Variants in DCUN1D5 observed in about 807,000 individuals in gnomAD.
The protein encoded by DCUN1D5 is DCN1-like protein 5.
Under a neutral mutation model 38.3 loss-of-function variants are expected in DCUN1D5, and 10 were observed. The observed-to-expected ratio is 0.26, with a 90% CI of 0.16 to 0.44. DCUN1D5 has a LOEUF of 0.44. Ranked by LOEUF, DCUN1D5 falls within the 20% of genes least tolerant of loss-of-function variation. The probability of loss-of-function intolerance (pLI) is 1.00; values close to 1 mark genes in which losing one functional copy is unlikely to be tolerated. For synonymous variants in DCUN1D5, 93 were observed against 90.9 expected (o/e 1.02, Z -0.13); for missense variants, 148 against 275.3 (o/e 0.54, Z 3.27).
intron 2 of DCUN1D5, among the ~76,000 whole-genome samples, chr11:103,084,624 A>G (rs1451676582): frequency 6.6e-6 from 1 of 152,222 alleles, no homozygotes; most frequent in Non-Finnish European, 1.5e-5. Context: ...TACATATACA[A>G]TAAAGGTGTT....
intron 4 of DCUN1D5, among the ~76,000 whole-genome samples, chr11:103,072,337 A>ACTAGAT (rs59688664): frequency 3.5e-4 from 51 of 145,774 alleles, no homozygotes; most frequent in African/African-American, 7.3e-4. Context: ...AGGATCTAGA[A>ACTAGAT]CTAGATCTAG....
chr11:103,083,385 G>A lies in DCUN1D5; in HGVS notation c.179-59C>T, dbSNP rs530863350. On this transcript the variant is annotated intron_variant, in intron 2 of 7. Transcript: ENST00000260247. This position sits in a 1 kb window ranked among gnomAD's most constrained non-coding sequence, Gnocchi z 4.4. The stretch of plus-strand genomic sequence containing the variant: ...ATAATATCAACATAAAACATAAATC[G>A]TCATGCTAAAGGTACCCATGAACAC... The A allele has an allele frequency of 4.8e-5, 47 of 984,100 alleles. No homozygotes were observed. Among genetic ancestry groups the A allele is most frequent in the African/African-American group, 4.7e-4 (29 of 61,862 alleles). 61.0% of individuals were successfully genotyped at this position (984,100 alleles called of 1,614,324 possible).
rs1397788197 is a variant in DCUN1D5, at chr11:103,053,622, CA to C, written c.*8736del. On this transcript the variant is annotated 3_prime_UTR_variant, in exon 8 of 8. Coordinates refer to ENST00000260247, the MANE Select transcript of DCUN1D5 (RefSeq NM_032299.4). This position sits in a 1 kb window ranked among gnomAD's most constrained non-coding sequence, Gnocchi z 4.8. ...CCCCCCAAATAAATACATTATGTAT[CA>C]ATGAATTTTAATTATATGAATATAT... 6.6e-6 allele frequency: 1 copy of C among 151,370 alleles called. No homozygotes were observed. The highest frequency in any genetic ancestry group is 1.9e-4 in the East Asian group (1 of 5,160). 9.4% of individuals were successfully genotyped at this position (151,370 alleles called of 1,614,324 possible).
intron 4 of DCUN1D5, among the ~76,000 whole-genome samples, chr11:103,074,438 C>G (rs1032453741): frequency 6.6e-6 from 1 of 152,122 alleles, no homozygotes; most frequent in Non-Finnish European, 1.5e-5. Context: ...GAGATTGAGT[C>G]TCGCTCTGTC....
rs1862715779 is a variant in DCUN1D5, at chr11:103,086,662, T to G, written c.178+2565A>C. Among the ~76,000 whole-genome samples the G allele has an allele frequency of 6.6e-6, 1 of 152,078 alleles. No individual in the cohort carries two copies. The highest frequency in any genetic ancestry group is 2.1e-4 in the South Asian group (1 of 4,824). ...ACTGTCTTCCTCACCAGAAGGCAAG[T>G]CCCCCAAAGGCAGGGATCTTGTCTG... On this transcript the variant is annotated intron_variant, in intron 2 of 7. Transcript: ENST00000260247. The surrounding 1 kb of genome is among the most constrained non-coding windows in gnomAD (Gnocchi z 4.1).
Position 103,064,102 on chromosome 11 carries a change from A to AT in DCUN1D5, c.658+172dup, listed in dbSNP as rs1327160061. Among the ~76,000 whole-genome samples the AT allele has an allele frequency of 6.6e-6, 1 of 152,174 alleles. No individual in the cohort carries two copies. The highest frequency in any genetic ancestry group is 2.4e-5 in the African/African-American group (1 of 41,458). The stretch of plus-strand genomic sequence containing the variant: ...TTTCATTTACCAGCATAGATTTTAT[A>AT]TAATACTGCTGAATCTAAGCTCTCT... On this transcript the variant is annotated intron_variant, in intron 7 of 7. Coordinates refer to ENST00000260247, the MANE Select transcript of DCUN1D5 (RefSeq NM_032299.4). This position sits in a 1 kb window ranked among gnomAD's most constrained non-coding sequence, Gnocchi z 4.5.
rs140607321 is a variant in DCUN1D5 at position 103,076,459 on chromosome 11, T to G, written c.341+6289A>C. 3.3e-4 allele frequency among the ~76,000 whole-genome samples: 51 copies of G among 152,326 alleles called. No individual in the cohort carries two copies. In the East Asian group the frequency reaches 9.6e-3, roughly 29 times the overall value. On this transcript the variant is annotated intron_variant, in intron 4 of 7. Coordinates refer to ENST00000260247, the MANE Select transcript of DCUN1D5 (RefSeq NM_032299.4). ...TCATGGGTACACAAAGTTACTATCTTACTTATGTAATTTCAATAAGCTTAA... is the reference window on the plus strand; with the variant it reads ...TCATGGGTACACAAAGTTACTATCTGACTTATGTAATTTCAATAAGCTTAA...
chr11:103,050,966 G>A lies in DCUN1D5; in HGVS notation c.*11393C>T, dbSNP rs1002326783. 2 of 152,178 alleles carry A rather than the reference G, an allele frequency of 1.3e-5. No individual in the cohort carries two copies. The highest frequency in any genetic ancestry group is 2.4e-5 in the African/African-American group (1 of 41,440). The allele number at this position is 152,178 out of a possible 1,614,324, so 9.4% of individuals were successfully genotyped here. A position where few individuals can be genotyped will look rare whatever the true frequency, so the allele number is the denominator to read the frequency against. ...TTAAAAATAATCAGACCCAGAATAA[G>A]GGGGGAAACCCTCCATGTCTACAGG... On this transcript the variant is annotated 3_prime_UTR_variant, in exon 8 of 8. Transcript: ENST00000260247.
At position 103,082,254 on chromosome 11, in the gene DCUN1D5, A is replaced by C. The variant is rs149493096; in HGVS notation, c.341+494T>G. ...TAAAGATTGCACGGGAGCAGTTACA[A>C]CATTTCTACTTTTGTCCTTTATGAA... is the stretch of plus-strand genomic sequence containing the variant. On this transcript the variant is annotated intron_variant, in intron 4 of 7. Coordinates refer to ENST00000260247, the MANE Select transcript of DCUN1D5 (RefSeq NM_032299.4). Among the ~76,000 whole-genome samples the C allele has an allele frequency of 7.6e-3, 1,162 of 152,234 alleles. 13 individuals carry two copies. The highest frequency in any genetic ancestry group is 0.026 in the African/African-American group (1,080 of 41,572).
intron 2 of DCUN1D5, among the ~76,000 whole-genome samples, chr11:103,088,203 C>T (rs1409099719): frequency 6.6e-6 from 1 of 151,970 alleles, no homozygotes; most frequent in African/African-American, 2.4e-5. Flanking sequence ...AAGTATACTA[C>T]TTTAGACCTT....
rs1056425280 is a variant in DCUN1D5 at position 103,077,675 on chromosome 11, A to T, written c.341+5073T>A. On this transcript the variant is annotated intron_variant, in intron 4 of 7. Transcript: ENST00000260247. This position sits in a 1 kb window ranked among gnomAD's most constrained non-coding sequence, Gnocchi z 4.3. ...ACCTTTAAAGTGAGAAGAAAGTTTC[A>T]TGCATGTATTAGATGTAAGTGAGGC... 6.6e-6 allele frequency among the ~76,000 whole-genome samples: 1 copy of T among 152,226 alleles called. No individual in the cohort carries two copies. The highest frequency in any genetic ancestry group is 2.4e-5 in the African/African-American group (1 of 41,462).
At chr11:103,072,243 G>A (rs1862289590) in intron 4 of DCUN1D5, among the ~76,000 whole-genome samples, 1 of 151,786 alleles carries the variant, frequency 6.6e-6, no homozygotes, top group Admixed American at 6.6e-5. Flanking sequence ...AGGAGAGGAT[G>A]TGGAGAAATA....
intron 3 of DCUN1D5, 77 bp from the exon 4 acceptor site, chr11:103,082,916 A>G: frequency 9.3e-7 from 1 of 1,077,648 alleles, no homozygotes; most frequent in East Asian, 2.4e-5. Flanking sequence ...CATGGAGAGC[A>G]TTTTTACACA....
rs1862123008 is a variant in DCUN1D5, at chr11:103,065,915, A to G, written c.555+354T>C. Among the ~76,000 whole-genome samples, 1 of 152,162 alleles carries G rather than the reference A, an allele frequency of 6.6e-6. No individual in the cohort carries two copies. The highest frequency in any genetic ancestry group is 1.5e-5 in the Non-Finnish European group (1 of 68,018). On this transcript the variant is annotated intron_variant, in intron 6 of 7. Transcript: ENST00000260247. The surrounding 1 kb of genome is among the most constrained non-coding windows in gnomAD (Gnocchi z 4.6). ...ATTTCAGCTTAAGACCCTGTGTAAC[A>G]AAAGAAGAAAATCAGATTTAGAAGC...
chr11:103,070,081 G>A (rs188484016), intron 4 of DCUN1D5, among the ~76,000 whole-genome samples: 41 of 149,296 alleles, frequency 2.7e-4, no homozygotes, highest in Non-Finnish European at 4.5e-4. Flanking sequence ...AATTAAAAAC[G>A]TAATAGAAAA....
At position 103,059,534 on chromosome 11, in the gene DCUN1D5, A is replaced by ATT. The variant is rs1198030963; in HGVS notation, c.*2824_*2825insAA. Among the ~76,000 whole-genome samples, 1 of 152,172 alleles carries ATT rather than the reference A, an allele frequency of 6.6e-6. No individual in the cohort carries two copies. The highest frequency in any genetic ancestry group is 1.5e-5 in the Non-Finnish European group (1 of 68,016). ...CCAATAAAATCTATACATTATACAC[A>ATT]AAAATGCTACTACTGTCAAAAATGT... On this transcript the variant is annotated 3_prime_UTR_variant, in exon 8 of 8. Coordinates refer to ENST00000260247, the MANE Select transcript of DCUN1D5 (RefSeq NM_032299.4).
At position 103,090,937 on chromosome 11, in the gene DCUN1D5, CAAAA is replaced by C. The variant is rs760580241; in HGVS notation, c.86+846_86+849del. On this transcript the variant is annotated intron_variant, in intron 1 of 7. Transcript: ENST00000260247. Reference sequence around the variant, plus strand: ...AGAAAAACAAAACAAAACAAAAAAACAAAAAAACCATTTCTCAAACCAAAATTGC... The same window carrying C: ...AGAAAAACAAAACAAAACAAAAAAACAAACCATTTCTCAAACCAAAATTGC... 5.3e-5 allele frequency among the ~76,000 whole-genome samples: 8 copies of C among 152,008 alleles called. No homozygotes were observed. In the South Asian group the frequency reaches 8.3e-4, roughly 16 times the overall value.
rs2134592699 is a variant in DCUN1D5, at chr11:103,058,229, C to A, written c.*4130G>T. 6.6e-6 allele frequency among the ~76,000 whole-genome samples: 1 copy of A among 152,186 alleles called. No individual in the cohort carries two copies. The highest frequency in any genetic ancestry group is 2.4e-5 in the African/African-American group (1 of 41,528). ...GTTCTAATACATGACACAGCATACA[C>A]AGCAAAATGTTTCATCGATCCTAAA... On this transcript the variant is annotated 3_prime_UTR_variant, in exon 8 of 8. Transcript: ENST00000260247.
intron 4 of DCUN1D5, among the ~76,000 whole-genome samples, chr11:103,074,212 CA>C (rs1476219717): frequency 2.6e-5 from 4 of 152,132 alleles, no homozygotes; most frequent in African/African-American, 7.2e-5. Context: ...AAAATGTTTG[CA>C]AAACACACAT....
Sources: allele counts gnomAD v4.1 joint callset (sites outside exome capture counted in the v4.1 genomes callset), GRCh38; gene constraint gnomAD v4.1.1; non-coding constraint Gnocchi (gnomAD v3.1); transcripts MANE v1.5; gene names NCBI Gene and HGNC (gene_info 2026-07-23, HGNC 2026-07-21).